The following USP37 variants were observed in gnomAD, a reference collection of about 807,000 sequenced individuals.
The protein encoded by USP37 is ubiquitin specific peptidase 37.
USP37 carries 27 observed loss-of-function variants against 124.0 expected under a neutral mutation model. That is an observed-to-expected ratio of 0.22 (90% CI 0.16 to 0.30). The LOEUF is 0.30. USP37 is among the 10% of genes least tolerant of loss of function. The probability of loss-of-function intolerance (pLI) is 1.00; values close to 1 mark genes in which losing one functional copy is unlikely to be tolerated. For synonymous variants in USP37, 365 were observed against 388.0 expected, an observed-to-expected ratio of 0.94 and a Z score of 0.70; for missense variants, 889 against 1,140.4, an observed-to-expected ratio of 0.78 and a Z score of 3.17.
At chr2:218,494,025 T>A (rs1462964933) in intron 14 of USP37, among the ~76,000 whole-genome samples, 1 of 152,242 alleles carries the variant, frequency 6.6e-6, no homozygotes, top group Non-Finnish European at 1.5e-5. Flanking sequence ...ATTATATTAT[T>A]AACTGCTGTT....
chr2:218,492,615 A>G (rs1169128794), intron 14 of USP37, among the ~76,000 whole-genome samples: 1 of 152,216 alleles, frequency 6.6e-6, no homozygotes, highest in South Asian at 2.1e-4. Flanking sequence ...GGTGTAGGGT[A>G]GTGGCAATGA....
At chr2:218,482,377 A>G in intron 16 of USP37, 143 bp from the exon 17 acceptor site, 1 of 831,292 alleles carries the variant, frequency 1.2e-6, no homozygotes, top group Non-Finnish European at 1.7e-6. Flanking sequence ...AAGAATATTT[A>G]CTGAATACCT....
At chr2:218,477,157 T>C (rs1375871207) in intron 18 of USP37, among the ~76,000 whole-genome samples, 176 bp from the exon 19 acceptor site, 1 of 152,210 alleles carries the variant, frequency 6.6e-6, no homozygotes, top group Non-Finnish European at 1.5e-5. Context: ...AAAAGAGCCA[T>C]GCTTTGAAAA....
intron 5 of USP37, among the ~76,000 whole-genome samples, chr2:218,552,189 T>A (rs984618660): frequency 6.6e-6 from 1 of 152,150 alleles, no homozygotes; most frequent in African/African-American, 2.4e-5. Flanking sequence ...TGGCAAACAA[T>A]CATAAAAAGC....
At chr2:218,457,830 G>A (rs1689772943) in intron 23 of USP37, among the ~76,000 whole-genome samples, 1 of 151,638 alleles carries the variant, frequency 6.6e-6, no homozygotes, top group Non-Finnish European at 1.5e-5. Flanking sequence ...GGCAGATCAC[G>A]AGGTCAGGAG....
chr2:218,463,854 A>ATT (rs965382526), intron 21 of USP37, among the ~76,000 whole-genome samples: 27 of 48,876 alleles, frequency 5.5e-4, no homozygotes, highest in South Asian at 2.2e-3. Context: ...ATTTTTTAAG[A>ATT]TTTTTTTTTT....
chr2:218,486,563 C>G (rs1480819945), intron 15 of USP37, among the ~76,000 whole-genome samples: 2 of 152,128 alleles, frequency 1.3e-5, no homozygotes, highest in East Asian at 1.9e-4. Context: ...GCTGGGACTA[C>G]AGGCATGTGC....
At chr2:218,502,425 C>G (rs918613599) in intron 11 of USP37, among the ~76,000 whole-genome samples, 1 of 151,974 alleles carries the variant, frequency 6.6e-6, no homozygotes, top group Non-Finnish European at 1.5e-5. Flanking sequence ...CCCACTAAAC[C>G]TGTGGGACGA....
intron 10 of USP37, among the ~76,000 whole-genome samples, chr2:218,516,781 C>G (rs1182186924): frequency 6.6e-6 from 1 of 151,612 alleles, no homozygotes; most frequent in Non-Finnish European, 1.5e-5. Flanking sequence ...TCAAGGTACC[C>G]CCCCTAGTGG....
chr2:218,506,185 C>T (rs1250445366), intron 11 of USP37, among the ~76,000 whole-genome samples: 9 of 151,010 alleles, frequency 6.0e-5, no homozygotes, highest in Admixed American at 2.6e-4. Context: ...TTTAACACTA[C>T]TTCTGTCTCA....
intron 8 of USP37, among the ~76,000 whole-genome samples, chr2:218,536,062 C>G (rs1691629984): frequency 7.9e-6 from 1 of 127,178 alleles, no homozygotes; most frequent in African/African-American, 2.8e-5. Context: ...AAATCAAAAT[C>G]AAAACTGTGT....
chr2:218,565,010 C>T (rs572285537), intron 1 of USP37, among the ~76,000 whole-genome samples: 1 of 152,296 alleles, frequency 6.6e-6, no homozygotes, highest in Admixed American at 6.5e-5. Flanking sequence ...CAACCTCCAC[C>T]TCCTAGGCTG....
chr2:218,479,229 A>C (rs1691123395), intron 18 of USP37, among the ~76,000 whole-genome samples: 1 of 152,208 alleles, frequency 6.6e-6, no homozygotes, highest in African/African-American at 2.4e-5. Context: ...GTCAAAGACA[A>C]GAAGTTCCAG....
chr2:218,498,271 TAC>T, intron 11 of USP37, 114 bp from the exon 12 acceptor site: 1 of 1,075,126 alleles, frequency 9.3e-7, no homozygotes, highest in Middle Eastern at 3.2e-4. Flanking sequence ...CTTGTTAAAC[TAC>T]ATATTACTAC....
chr2:218,544,426 T>TAG (rs1434695494), intron 8 of USP37, among the ~76,000 whole-genome samples: 577 of 47,678 alleles, frequency 0.012, 8 homozygotes, highest in Non-Finnish European at 0.016. Flanking sequence ...TATATATATA[T>TAG]ATATAGAGAG....
chr2:218,512,547 G>A (rs546993064), intron 10 of USP37, among the ~76,000 whole-genome samples: 27 of 152,030 alleles, frequency 1.8e-4, no homozygotes, highest in South Asian at 1.7e-3. Flanking sequence ...AATAAATTGC[G>A]AAATAGAATA....
chr2:218,465,910 A>G (rs747021780), intron 21 of USP37, 100 bp downstream of exon 21: 4 of 1,392,290 alleles, frequency 2.9e-6, no homozygotes, highest in Non-Finnish European at 3.9e-6. Flanking sequence ...CATCTGGAAC[A>G]ATGTCTGACA....
At chr2:218,556,949 T>C (rs1655260339) in intron 4 of USP37, among the ~76,000 whole-genome samples, 2 of 152,308 alleles carry the variant, frequency 1.3e-5, no homozygotes, top group Non-Finnish European at 1.5e-5. Flanking sequence ...TGCGGTGGCA[T>C]GATCACAGGC....
intron 1 of USP37, among the ~76,000 whole-genome samples, chr2:218,564,221 C>T (rs1490617951): frequency 6.6e-6 from 1 of 152,246 alleles, no homozygotes; most frequent in Non-Finnish European, 1.5e-5. Context: ...AAACTCATCA[C>T]TATGCCATCA....
Sources: allele counts gnomAD v4.1 joint callset (sites outside exome capture counted in the v4.1 genomes callset), GRCh38; gene constraint gnomAD v4.1.1; transcripts MANE v1.5; gene names NCBI Gene and HGNC (gene_info 2026-07-23, HGNC 2026-07-21).